RNF220: variants seen among roughly 807,000 people sequenced by gnomAD.
The protein encoded by RNF220 is ring finger protein 220.
Under a neutral mutation model 67.1 loss-of-function variants are expected in RNF220, and 7 were observed. The observed-to-expected ratio is 0.10, with a 90% CI of 0.06 to 0.20. The LOEUF is 0.20. Among genes scored for constraint, RNF220 ranks in the 10% least tolerant of loss-of-function variants. RNF220 has a pLI of 1.00. For synonymous variants in RNF220, 270 were observed against 283.2 expected (o/e 0.95, Z 0.47); for missense variants, 565 against 740.3 (o/e 0.76, Z 2.75).
intron 6 of RNF220, among the ~76,000 whole-genome samples, chr1:44,634,798 G>A (rs893233988): frequency 6.6e-6 from 1 of 152,312 alleles, no homozygotes; most frequent in Non-Finnish European, 1.5e-5. Context: ...GCCCCCTGTG[G>A]GACAACATGG....
chr1:44,536,241 G>C (rs1333032018), intron 2 of RNF220, among the ~76,000 whole-genome samples: 1 of 152,176 alleles, frequency 6.6e-6, no homozygotes, highest in Non-Finnish European at 1.5e-5. Flanking sequence ...TGAGAGCCCA[G>C]AGGCAGAAAC....
chr1:44,601,529 A>G (rs981012288), intron 2 of RNF220, among the ~76,000 whole-genome samples: 1 of 152,172 alleles, frequency 6.6e-6, no homozygotes, highest in African/African-American at 2.4e-5. Flanking sequence ...CAGGATTGGT[A>G]TCAAAGCCCA....
chr1:44,644,602 T>A lies in RNF220; in HGVS notation c.1127-96T>A. On this transcript the variant is annotated intron_variant, in intron 8 of 14. Transcript: ENST00000361799. ...GGCCCAGGTTTCCCTCTGGGCCTTA[T>A]CAGGTCCAAAGCCTAACCCCTACCT... The A allele has an allele frequency of 7.9e-6, 7 of 887,010 alleles. 1 individual carries two copies. The highest frequency in any genetic ancestry group is 1.3e-5 in the Non-Finnish European group (7 of 540,762). The allele number at this position is 887,010 out of a possible 1,614,324, so 54.9% of individuals were successfully genotyped here. A position where few individuals can be genotyped will look rare whatever the true frequency, so the allele number is the denominator to read the frequency against.
chr1:44,620,931 T>G (rs936425958), intron 3 of RNF220, among the ~76,000 whole-genome samples: 1 of 151,512 alleles, frequency 6.6e-6, no homozygotes, highest in African/African-American at 2.4e-5. Context: ...TTTTTTTTTT[T>G]TGAGACAAAG....
chr1:44,440,063 G>A (rs1045603665), intron 2 of RNF220, among the ~76,000 whole-genome samples: 1 of 152,170 alleles, frequency 6.6e-6, no homozygotes, highest in African/African-American at 2.4e-5. Flanking sequence ...ATTTCACGCA[G>A]GTAAGTAGCA....
At chr1:44,485,091 G>A (rs565148210) in intron 2 of RNF220, among the ~76,000 whole-genome samples, 11 of 152,308 alleles carry the variant, frequency 7.2e-5, no homozygotes, top group South Asian at 2.1e-4. Flanking sequence ...AGCTGAGATC[G>A]TGCCACTGCA....
At chr1:44,611,922 T>G (rs1643329157) in intron 2 of RNF220, among the ~76,000 whole-genome samples, 1 of 152,200 alleles carries the variant, frequency 6.6e-6, no homozygotes, top group African/African-American at 2.4e-5. Flanking sequence ...GCCCTAGCTG[T>G]AAATAAAATG....
intron 2 of RNF220, among the ~76,000 whole-genome samples, chr1:44,596,661 G>A (rs1666517087): frequency 6.6e-6 from 1 of 152,168 alleles, no homozygotes; most frequent in Non-Finnish European, 1.5e-5. Context: ...AAAAACGATA[G>A]GGAAGGAAGC....
rs578106282 is a variant in RNF220, at chr1:44,595,668, G to A, written c.626-18497G>A. 1.8e-3 allele frequency among the ~76,000 whole-genome samples: 269 copies of A among 152,306 alleles called. 2 individuals are homozygous for A. Among genetic ancestry groups the A allele is most frequent in the South Asian group, 6.2e-4 (3 of 4,820 alleles). On this transcript the variant is annotated intron_variant, in intron 2 of 14. Coordinates refer to ENST00000361799, the MANE Select transcript of RNF220 (RefSeq NM_018150.4). ...TTCACTGAAACCCTCAGCCAGAATG[G>A]ACAGGGTACAGCTTTCCATTCCAAC...
chr1:44,516,919 G>A (rs1659494826), intron 2 of RNF220, among the ~76,000 whole-genome samples: 1 of 151,930 alleles, frequency 6.6e-6, no homozygotes, highest in Non-Finnish European at 1.5e-5. Flanking sequence ...GCCCTCACCA[G>A]TCCAGAATGC....
At chr1:44,598,479 C>G (rs1438501295) in intron 2 of RNF220, among the ~76,000 whole-genome samples, 1 of 152,184 alleles carries the variant, frequency 6.6e-6, no homozygotes, top group Non-Finnish European at 1.5e-5. Flanking sequence ...GCCCAGGGCA[C>G]TAAATCCCAC....
At chr1:44,420,428 C>T (rs529626729) in intron 2 of RNF220, among the ~76,000 whole-genome samples, 172 of 152,318 alleles carry the variant, frequency 1.1e-3, no homozygotes, top group Admixed American at 1.8e-3. Flanking sequence ...AGGGCCAGCC[C>T]TGGAGAGACC....
intron 2 of RNF220, among the ~76,000 whole-genome samples, chr1:44,415,384 G>A (rs1172355356): frequency 6.6e-6 from 1 of 151,946 alleles, no homozygotes. Context: ...AGGGGCAGAT[G>A]GGGGCAGTGA....
chr1:44,555,936 T>G (rs1390232006), intron 2 of RNF220, among the ~76,000 whole-genome samples: 7 of 150,702 alleles, frequency 4.6e-5, no homozygotes. Context: ...TGTCGTTAAT[T>G]GTCTCCTCCT....
chr1:44,595,825 G>A (rs192965477), intron 2 of RNF220, among the ~76,000 whole-genome samples: 7 of 151,902 alleles, frequency 4.6e-5, no homozygotes, highest in South Asian at 2.1e-4. Context: ...GTGCAGTGGC[G>A]CAATCTCAGC....
chr1:44,484,341 G>A (rs1365144442), intron 2 of RNF220, among the ~76,000 whole-genome samples: 1 of 152,182 alleles, frequency 6.6e-6, no homozygotes, highest in Admixed American at 6.5e-5. Context: ...CCAGTGAGTG[G>A]AATTCCTATC....
At chr1:44,506,935 C>G (rs957693364) in intron 2 of RNF220, among the ~76,000 whole-genome samples, 13 of 152,196 alleles carry the variant, frequency 8.5e-5, no homozygotes, top group African/African-American at 3.1e-4. Flanking sequence ...ATCACGGAGT[C>G]TCAAATAACC....
intron 2 of RNF220, among the ~76,000 whole-genome samples, chr1:44,586,592 G>GTC (rs1665714674): frequency 6.6e-6 from 1 of 152,174 alleles, no homozygotes; most frequent in South Asian, 2.1e-4. Context: ...ACAGGCACAG[G>GTC]TCCTTGTTCC....
chr1:44,519,546 G>A (rs1659737518), intron 2 of RNF220, among the ~76,000 whole-genome samples: 1 of 152,202 alleles, frequency 6.6e-6, no homozygotes, highest in Non-Finnish European at 1.5e-5. Context: ...TCGAAGCAGA[G>A]GAAGTAGCAT....
Sources: gnomAD v4.1 joint callset for allele counts (sites outside exome capture counted in the v4.1 genomes callset) on GRCh38, gnomAD v4.1.1 for gene constraint, MANE v1.5 for transcripts, NCBI Gene and HGNC (gene_info 2026-07-23, HGNC 2026-07-21) for gene names.